The following ABCC4 variants were observed in gnomAD, a reference collection of about 807,000 sequenced individuals.
ABCC4 encodes ATP binding cassette subfamily C member 4 (PEL blood group).
Under a neutral mutation model 168.5 loss-of-function variants are expected in ABCC4, and 102 were observed. The observed-to-expected ratio is 0.61, with a 90% CI of 0.52 to 0.71. The LOEUF (loss-of-function observed/expected upper bound fraction) is 0.71. Among genes scored for constraint, ABCC4 ranks in the 30% least tolerant of loss-of-function variants. The pLI, the probability that ABCC4 is intolerant of heterozygous loss-of-function variation, is 0.00. For synonymous variants in ABCC4, 617 were observed against 590.7 expected, an observed-to-expected ratio of 1.04 and a Z score of -0.65; for missense variants, 1,402 against 1,605.8, an observed-to-expected ratio of 0.87 and a Z score of 2.17.
intron 19 of ABCC4, among the ~76,000 whole-genome samples, chr13:95,123,848 C>T (rs893439415): frequency 1.3e-5 from 2 of 152,096 alleles, no homozygotes; most frequent in Admixed American, 6.5e-5. Context: ...CCAGCTGGTG[C>T]GGGTTACCAG....
chr13:95,034,810 T>A, intron 29 of ABCC4, 71 bp from the exon 30 acceptor site: 1 of 1,604,180 alleles, frequency 6.2e-7, no homozygotes, highest in Non-Finnish European at 8.5e-7. Flanking sequence ...AGAGACAATA[T>A]TTCGGAAAGG....
chr13:95,025,191 ACACCACACACC>A (rs2031355668), intron 30 of ABCC4, among the ~76,000 whole-genome samples: 1 of 101,638 alleles, frequency 9.8e-6, no homozygotes, highest in African/African-American at 4.7e-5. Context: ...ACACACACCC[ACACCACACACC>A]CCCACACCCC....
intron 8 of ABCC4, among the ~76,000 whole-genome samples, chr13:95,204,502 C>T (rs370117956): frequency 1.3e-5 from 2 of 152,090 alleles, no homozygotes; most frequent in East Asian, 1.9e-4. Context: ...GTTTTATACG[C>T]GTCTGGCATT....
At chr13:95,062,188 G>A (rs1224237860) in intron 26 of ABCC4, among the ~76,000 whole-genome samples, 2 of 151,986 alleles carry the variant, frequency 1.3e-5, no homozygotes, top group African/African-American at 4.8e-5. Context: ...ACAACCTCCT[G>A]GTTAAAATCA....
At chr13:95,088,410 C>T (rs193073418) in intron 20 of ABCC4, among the ~76,000 whole-genome samples, 2 of 152,246 alleles carry the variant, frequency 1.3e-5, no homozygotes, top group East Asian at 3.9e-4. Context: ...TTAATGATGA[C>T]CTAAAGGCTA....
intron 20 of ABCC4, among the ~76,000 whole-genome samples, chr13:95,105,598 G>A (rs755650574): frequency 5.3e-5 from 8 of 152,112 alleles, no homozygotes; most frequent in South Asian, 2.1e-4. Flanking sequence ...CAATTCTCCC[G>A]AAAACAGAAA....
rs1484886549 is a variant in ABCC4, at chr13:95,136,450, C to T, written c.2456-20449G>A. On this transcript the variant is annotated intron_variant, in intron 19 of 30. Transcript: ENST00000645237. ...GATTACAGGCGTGAGCCACCGTACC[C>T]GGCCAGATCTCAACTTTGAAAAAAG... Among the ~76,000 whole-genome samples, 7 of 152,266 alleles carry T rather than the reference C, an allele frequency of 4.6e-5. No homozygotes were observed. The South Asian group carries it at 6.2e-4, about 14-fold the overall frequency.
chr13:95,229,815 T>C (rs904760750), intron 4 of ABCC4, among the ~76,000 whole-genome samples: 3 of 152,150 alleles, frequency 2.0e-5, no homozygotes, highest in African/African-American at 7.2e-5. Context: ...GTCTCACTGG[T>C]GGCTGGGGCT....
At chr13:95,241,130 C>T (rs547527803) in intron 3 of ABCC4, among the ~76,000 whole-genome samples, 36 of 152,004 alleles carry the variant, frequency 2.4e-4, no homozygotes, top group African/African-American at 8.7e-4. Context: ...TCTGGGAGGC[C>T]AAGGTGGGTG....
intron 1 of ABCC4, among the ~76,000 whole-genome samples, chr13:95,275,929 C>T (rs895400874): frequency 1.3e-5 from 2 of 152,188 alleles, no homozygotes. Flanking sequence ...AAAATTCCAG[C>T]TGAACCAGTC....
At chr13:95,247,213 A>G (rs1452110244) in intron 2 of ABCC4, 118 bp from the exon 3 acceptor site, 1 of 1,151,494 alleles carries the variant, frequency 8.7e-7, no homozygotes, top group African/African-American at 1.5e-5. Flanking sequence ...GATTTCATAA[A>G]TGCTACTAAT....
intron 1 of ABCC4, among the ~76,000 whole-genome samples, chr13:95,277,631 G>C (rs536753827): frequency 1.2e-4 from 18 of 152,006 alleles, no homozygotes; most frequent in Non-Finnish European, 2.4e-4. Flanking sequence ...TAGTGAATGG[G>C]GGCGTTTACT....
intron 8 of ABCC4, among the ~76,000 whole-genome samples, chr13:95,200,807 A>T (rs1291654578): frequency 6.6e-6 from 1 of 152,246 alleles, no homozygotes; most frequent in Non-Finnish European, 1.5e-5. Context: ...TTTAGTTTTA[A>T]TCAGTGCATC....
intron 10 of ABCC4, 36 bp downstream of exon 10, chr13:95,188,417 G>A: frequency 6.3e-7 from 1 of 1,583,746 alleles, no homozygotes; most frequent in African/African-American, 1.3e-5. Flanking sequence ...TGATAAGTGG[G>A]GTTGCAACAA....
chr13:95,153,248 A>G (rs2036748823), intron 19 of ABCC4, among the ~76,000 whole-genome samples: 1 of 152,210 alleles, frequency 6.6e-6, no homozygotes, highest in Non-Finnish European at 1.5e-5. Flanking sequence ...TTGAATTACT[A>G]TTATCAGTCA....
intron 19 of ABCC4, among the ~76,000 whole-genome samples, chr13:95,151,650 GA>G (rs142335568): frequency 9.9e-5 from 15 of 151,660 alleles, no homozygotes; most frequent in African/African-American, 3.6e-4. Flanking sequence ...GGAGAAGAAG[GA>G]GAAGAAATCA....
intron 1 of ABCC4, among the ~76,000 whole-genome samples, chr13:95,252,525 A>G (rs2040291372): frequency 6.6e-6 from 1 of 152,088 alleles, no homozygotes; most frequent in African/African-American, 2.4e-5. Flanking sequence ...AAATACAAAA[A>G]TTACCCAGGC....
chr13:95,299,579 C>A (rs964529809), intron 1 of ABCC4, among the ~76,000 whole-genome samples: 4 of 151,832 alleles, frequency 2.6e-5, no homozygotes, highest in Non-Finnish European at 5.9e-5. Context: ...TTTTTTAGCT[C>A]ATCAGCTATC....
intron 1 of ABCC4, among the ~76,000 whole-genome samples, chr13:95,295,739 C>T (rs7335753): frequency 0.046 from 7,036 of 151,790 alleles, 419 homozygotes; most frequent in African/African-American, 0.15. Flanking sequence ...CCAAGGAGGG[C>T]GGATCACAAG....
Sources: allele counts gnomAD v4.1 joint callset (sites outside exome capture counted in the v4.1 genomes callset), GRCh38; gene constraint gnomAD v4.1.1; transcripts MANE v1.5; gene names NCBI Gene and HGNC (gene_info 2026-07-23, HGNC 2026-07-21).